PTPRD: variants seen among roughly 807,000 people sequenced by gnomAD.
PTPRD encodes the protein protein tyrosine phosphatase receptor type D.
A neutral mutation model predicts 214.5 loss-of-function variants in PTPRD; 34 were observed. That is an observed-to-expected ratio of 0.16 (90% CI 0.12 to 0.21). PTPRD has a LOEUF of 0.21. Among genes scored for constraint, PTPRD ranks in the 10% least tolerant of loss-of-function variants. The pLI is 1.00. For synonymous variants in PTPRD, 1,128 were observed against 845.7 expected (o/e 1.33, Z -5.79); for missense variants, 2,545 against 2,398.7 (o/e 1.06, Z -1.27).
intron 9 of PTPRD, among the ~76,000 whole-genome samples, chr9:9,321,977 G>C (rs143221258): frequency 9.9e-5 from 15 of 152,232 alleles, no homozygotes; most frequent in African/African-American, 2.9e-4. Flanking sequence ...TTATTGGCAA[G>C]GCACTCTGGT....
intron 11 of PTPRD, among the ~76,000 whole-genome samples, chr9:9,009,741 A>T (rs897331701): frequency 1.3e-4 from 20 of 152,064 alleles, no homozygotes; most frequent in Non-Finnish European, 2.9e-4. Flanking sequence ...ATTTGGAAAT[A>T]TTCTAGCTCA....
intron 5 of PTPRD, among the ~76,000 whole-genome samples, chr9:9,937,949 A>G (rs965263968): frequency 5.3e-5 from 8 of 152,166 alleles, no homozygotes; most frequent in Non-Finnish European, 2.9e-5. Flanking sequence ...CTCAGAGTGG[A>G]TCATAACTGG....
intron 39 of PTPRD, among the ~76,000 whole-genome samples, chr9:8,358,537 C>T (rs988650049): frequency 6.6e-6 from 1 of 152,108 alleles, no homozygotes; most frequent in Non-Finnish European, 1.5e-5. Context: ...CTTCCAGAGC[C>T]TCTGTTTTCT....
At chr9:9,893,113 G>A (rs1566062353) in intron 5 of PTPRD, among the ~76,000 whole-genome samples, 1 of 151,970 alleles carries the variant, frequency 6.6e-6, no homozygotes, top group Non-Finnish European at 1.5e-5. Context: ...TACATTTGGA[G>A]AATATCACTA....
chr9:10,096,920 T>A (rs575872893), intron 3 of PTPRD, among the ~76,000 whole-genome samples: 115 of 151,690 alleles, frequency 7.6e-4, no homozygotes, highest in Non-Finnish European at 1.3e-3. Flanking sequence ...TTTTTTAAGA[T>A]GTAAGGAAGG....
At chr9:8,428,961 G>A (rs1590170802) in intron 35 of PTPRD, among the ~76,000 whole-genome samples, 1 of 152,188 alleles carries the variant, frequency 6.6e-6, no homozygotes. Flanking sequence ...TCATTGCTTA[G>A]ATGACAGACA....
intron 8 of PTPRD, among the ~76,000 whole-genome samples, chr9:9,400,172 T>G (rs1188835850): frequency 6.6e-6 from 1 of 151,406 alleles, no homozygotes; most frequent in Admixed American, 6.6e-5. Flanking sequence ...ATTGATTTAT[T>G]GCTGACTTGC....
chr9:9,140,573 T>C (rs1282039016), intron 10 of PTPRD, among the ~76,000 whole-genome samples: 1 of 152,174 alleles, frequency 6.6e-6, no homozygotes, highest in Admixed American at 6.5e-5. Context: ...ACAGAAACAG[T>C]GCTACATCTT....
chr9:8,934,480 T>TATATATATATAAATATATATATAA (rs1567100174), intron 11 of PTPRD, among the ~76,000 whole-genome samples: 3 of 8,086 alleles, frequency 3.7e-4, no homozygotes, highest in African/African-American at 1.1e-3. Context: ...TATATATAAA[T>TATATATATATAAATATATATATAA]ATATATATAT....
intron 3 of PTPRD, among the ~76,000 whole-genome samples, chr9:10,074,410 A>G (rs2098094371): frequency 6.6e-6 from 1 of 152,134 alleles, no homozygotes; most frequent in African/African-American, 2.4e-5. Context: ...GTCCCTCATC[A>G]TGCATCAATG....
At chr9:9,335,161 T>C (rs1181591581) in intron 9 of PTPRD, among the ~76,000 whole-genome samples, 1 of 152,088 alleles carries the variant, frequency 6.6e-6, no homozygotes, top group Non-Finnish European at 1.5e-5. Flanking sequence ...TTAGCTTTGC[T>C]ATTTTCAACT....
At chr9:10,108,012 T>C (rs1229348206) in intron 3 of PTPRD, among the ~76,000 whole-genome samples, 1 of 152,092 alleles carries the variant, frequency 6.6e-6, no homozygotes, top group Non-Finnish European at 1.5e-5. Context: ...AGCATTGTAC[T>C]TTTTGGCTGC....
At chr9:8,318,063 T>C (rs1254426802) in intron 45 of PTPRD, 121 bp from the exon 46 acceptor site, 11 of 857,032 alleles carry the variant, frequency 1.3e-5, no homozygotes, top group Admixed American at 2.1e-5. Flanking sequence ...ATCACTACTT[T>C]CGTCAACTGG....
intron 5 of PTPRD, among the ~76,000 whole-genome samples, chr9:9,772,431 C>T (rs10977969): frequency 0.17 from 25,581 of 152,044 alleles, 2,627 homozygotes; most frequent in East Asian, 0.27. Context: ...CACAAATATG[C>T]GACGGGTAAA....
At chr9:10,309,683 A>G (rs1192116176) in intron 3 of PTPRD, among the ~76,000 whole-genome samples, 2 of 151,886 alleles carry the variant, frequency 1.3e-5, no homozygotes, top group East Asian at 3.9e-4. Context: ...TTTCTTTCTG[A>G]CAACAGTTTC....
At chr9:9,310,092 G>A (rs1362675909) in intron 9 of PTPRD, among the ~76,000 whole-genome samples, 1 of 152,160 alleles carries the variant, frequency 6.6e-6, no homozygotes, top group South Asian at 2.1e-4. Context: ...CTTTCACAGA[G>A]GAGTCCCTGC....
chr9:8,697,070 A>G (rs748638033), intron 12 of PTPRD, among the ~76,000 whole-genome samples: 4 of 152,254 alleles, frequency 2.6e-5, no homozygotes, highest in African/African-American at 4.8e-5. Flanking sequence ...CTTCCACTAA[A>G]TAAGCACAAG....
intron 3 of PTPRD, among the ~76,000 whole-genome samples, chr9:10,078,968 A>G (rs915408074): frequency 6.6e-6 from 1 of 152,130 alleles, no homozygotes; most frequent in Admixed American, 6.6e-5. Context: ...ATCTACTTTC[A>G]ATCGTTAACA....
chr9:8,626,209 C>A (rs1479838318), intron 14 of PTPRD, among the ~76,000 whole-genome samples: 5 of 151,778 alleles, frequency 3.3e-5, no homozygotes, highest in Non-Finnish European at 5.9e-5. Flanking sequence ...GAAAGCCAAC[C>A]AACTACCTAG....
Sources: gnomAD v4.1 joint callset for allele counts (sites outside exome capture counted in the v4.1 genomes callset) on GRCh38, gnomAD v4.1.1 for gene constraint, MANE v1.5 for transcripts, NCBI Gene and HGNC (gene_info 2026-07-23, HGNC 2026-07-21) for gene names.